The following CNTLN variants were observed in gnomAD, a reference collection of about 807,000 sequenced individuals.
CNTLN encodes centlein, centrosomal protein.
CNTLN carries 212 observed loss-of-function variants against 180.0 expected under a neutral mutation model. The observed-to-expected ratio is 1.18, with a 90% CI of 1.05 to 1.32. The LOEUF is 1.32. Ranked by LOEUF, CNTLN falls within the 40% of genes most tolerant of loss-of-function variation. The pLI, the probability that CNTLN is intolerant of heterozygous loss-of-function variation, is 0.00. For synonymous variants in CNTLN, 722 were observed against 563.1 expected (o/e 1.28, Z -3.99); for missense variants, 2,095 against 1,610.9 (o/e 1.30, Z -5.14).
At chr9:17,290,314 G>T (rs886775689) in intron 6 of CNTLN, among the ~76,000 whole-genome samples, 6 of 151,574 alleles carry the variant, frequency 4.0e-5, no homozygotes, top group African/African-American at 1.5e-4. Context: ...TCCCAGTTAG[G>T]CTGCTCGGGG....
intron 5 of CNTLN, among the ~76,000 whole-genome samples, chr9:17,257,140 C>T (rs1040692615): frequency 2.5e-4 from 38 of 151,718 alleles, no homozygotes; most frequent in African/African-American, 9.0e-4. Flanking sequence ...TCCCACCCCA[C>T]AACAGTCCCC....
In CNTLN at chr9:17,345,176, G is replaced by A. The variant is rs76992855; in HGVS notation, c.1886+2732G>A. 4.8e-3 allele frequency among the ~76,000 whole-genome samples: 724 copies of A among 152,222 alleles called. 4 individuals are homozygous for A. Among genetic ancestry groups the A allele is most frequent in the African/African-American group, 0.016 (673 of 41,558 alleles). ...TTATGAATACAGCTGCTATAGACAG[G>A]TTTTTGTGTGAACATAACTTTTATT... On this transcript the variant is annotated intron_variant, in intron 12 of 25. Transcript: ENST00000380647.
the CNTLN span, among the ~76,000 whole-genome samples, chr9:17,512,629 C>A: frequency 1.6e-5 from 1 of 63,786 alleles, no homozygotes; most frequent in African/African-American, 4.8e-5. Flanking sequence ...TGCACAGGTA[C>A]CCCCCAAATC....
At chr9:17,149,441 A>G (rs2131492276) in intron 2 of CNTLN, among the ~76,000 whole-genome samples, 1 of 152,154 alleles carries the variant, frequency 6.6e-6, no homozygotes, top group Non-Finnish European at 1.5e-5. Flanking sequence ...CCAACAGTGT[A>G]AAAGTGTTTC....
intron 25 of CNTLN, among the ~76,000 whole-genome samples, chr9:17,499,719 C>G (rs1833645075): frequency 6.6e-6 from 1 of 151,992 alleles, no homozygotes; most frequent in Non-Finnish European, 1.5e-5. Flanking sequence ...CTTAGTCTTC[C>G]TCTAAATTTG....
At chr9:17,462,084 C>T (rs1867077) in intron 19 of CNTLN, among the ~76,000 whole-genome samples, 145,199 of 151,866 alleles carry the variant, frequency 0.96, 69,676 homozygotes, top group Non-Finnish European at 1. Context: ...CTATCAGTTA[C>T]CATTATTCTC....
At chr9:17,408,815 G>T (rs1341409635) in intron 15 of CNTLN, among the ~76,000 whole-genome samples, 3 of 124,704 alleles carry the variant, frequency 2.4e-5, no homozygotes, top group Admixed American at 1.6e-4. Flanking sequence ...AAAAAAAAAA[G>T]TGCCTGGGCC....
intron 2 of CNTLN, among the ~76,000 whole-genome samples, chr9:17,164,237 G>A (rs890871533): frequency 1.5e-4 from 21 of 141,846 alleles, no homozygotes; most frequent in Non-Finnish European, 2.6e-4. Flanking sequence ...ACTTGAACCC[G>A]AAAGGCAGAG....
chr9:17,443,599 G>A (rs1830233672), intron 18 of CNTLN, among the ~76,000 whole-genome samples: 1 of 152,180 alleles, frequency 6.6e-6, no homozygotes, highest in African/African-American at 2.4e-5. Flanking sequence ...GATCAGGAGA[G>A]ACGTTCATAG....
At chr9:17,436,678 A>T (rs1829798366) in intron 18 of CNTLN, among the ~76,000 whole-genome samples, 1 of 152,192 alleles carries the variant, frequency 6.6e-6, no homozygotes, top group Non-Finnish European at 1.5e-5. Context: ...ATCCAAACTT[A>T]TATTTGTCCT....
chr9:17,307,985 C>CAT (rs1464691595), intron 7 of CNTLN, among the ~76,000 whole-genome samples: 1 of 147,536 alleles, frequency 6.8e-6, no homozygotes, highest in African/African-American at 2.5e-5. Context: ...CACACACACA[C>CAT]ACACACACAC....
At chr9:17,167,904 T>C (rs1820186086) in intron 2 of CNTLN, 1 of 152,064 alleles carries the variant, frequency 6.6e-6, no homozygotes, top group Non-Finnish European at 1.5e-5. Context: ...TGGGGTAGTG[T>C]ACCCTGAGGA....
chr9:17,512,202 A>C, the CNTLN span, among the ~76,000 whole-genome samples: 1 of 152,370 alleles, frequency 6.6e-6, no homozygotes, highest in East Asian at 1.9e-4. Flanking sequence ...TGTTGAAAGC[A>C]GGAAGCAGGC....
chr9:17,526,415 A>G, the CNTLN span, among the ~76,000 whole-genome samples: 1 of 152,204 alleles, frequency 6.6e-6, no homozygotes, highest in Non-Finnish European at 1.5e-5. Context: ...GACAAATTAT[A>G]AAGTTTAACT....
At chr9:17,425,580 A>G (rs1829024846) in intron 18 of CNTLN, among the ~76,000 whole-genome samples, 1 of 152,180 alleles carries the variant, frequency 6.6e-6, no homozygotes, top group Non-Finnish European at 1.5e-5. Context: ...GTAACACATC[A>G]AATGTGGAAG....
intron 7 of CNTLN, among the ~76,000 whole-genome samples, chr9:17,308,845 A>C (rs964751079): frequency 1.3e-5 from 2 of 150,282 alleles, no homozygotes; most frequent in East Asian, 3.9e-4. Context: ...TCACATTTTA[A>C]ATGTTAAAAA....
chr9:17,136,646 G>T (rs115406089), intron 1 of CNTLN, among the ~76,000 whole-genome samples: 437 of 152,240 alleles, frequency 2.9e-3, no homozygotes, highest in African/African-American at 9.7e-3. Flanking sequence ...GGATTCTTTT[G>T]CCCATTTTAT....
rs1442769661 is a variant in CNTLN at position 17,394,755 on chromosome 9, G to A, written c.2301G>A (p.Leu767=). The A allele has an allele frequency of 1.9e-6, 3 of 1,613,968 alleles. No homozygotes were observed. Among genetic ancestry groups the A allele is most frequent in the East Asian group, 2.2e-5 (1 of 44,868 alleles). The change falls in exon 15 of 26, where the codon CTG becomes CTA. Residue 767 remains leucine (L), a synonymous_variant. Coordinates refer to ENST00000380647, the MANE Select transcript of CNTLN (RefSeq NM_017738.4). ...AACTTCAAGTAAAAATCAGTGAGCT[G>A]GAGACAGAAGTCACTTCCCTGAGGA... ...NTELQVKISE[L]ETEVTSLRRQ...
chr9:17,233,489 G>A (rs554290120), intron 3 of CNTLN, among the ~76,000 whole-genome samples: 32 of 152,018 alleles, frequency 2.1e-4, no homozygotes, highest in African/African-American at 7.5e-4. Context: ...GCCACTTATT[G>A]TAACTAAATC....
Sources: gnomAD v4.1 joint callset for allele counts (sites outside exome capture counted in the v4.1 genomes callset) on GRCh38, gnomAD v4.1.1 for gene constraint, MANE v1.5 for transcripts, NCBI Gene and HGNC (gene_info 2026-07-23, HGNC 2026-07-21) for gene names.